Variants in EYS observed in about 807,000 individuals in gnomAD.
The protein encoded by EYS is EGF-like photoreceptor maintenance factor, also known as protein eyes shut homolog.
A neutral mutation model predicts 282.1 loss-of-function variants in EYS; 250 were observed. That is an observed-to-expected ratio of 0.89 (90% CI 0.80 to 0.98). The LOEUF is 0.98. Ranked by LOEUF, EYS falls within the 50% of genes least tolerant of loss-of-function variation. EYS has a pLI of 0.00. For missense variants in EYS, 4,016 were observed against 3,709.0 expected (o/e 1.08, Z -2.15); for synonymous variants, 1,355 against 1,282.9 (o/e 1.06, Z -1.20).
intron 31 of EYS, among the ~76,000 whole-genome samples, chr6:64,136,154 A>T (rs947853618): frequency 1.3e-5 from 2 of 151,966 alleles, no homozygotes; most frequent in African/African-American, 4.8e-5. Flanking sequence ...AAAAAAAAAA[A>T]AAACCACCTT....
intron 12 of EYS, among the ~76,000 whole-genome samples, chr6:65,270,777 C>T (rs1355989681): frequency 1.3e-5 from 2 of 151,994 alleles, no homozygotes; most frequent in Admixed American, 1.3e-4. Flanking sequence ...AAGTTCTTTG[C>T]TAGTTTATAA....
At chr6:65,475,854 T>G (rs1241790141) in intron 5 of EYS, among the ~76,000 whole-genome samples, 1 of 152,054 alleles carries the variant, frequency 6.6e-6, no homozygotes, top group East Asian at 1.9e-4. Context: ...TAATTAAATT[T>G]ATTCCATTTT....
intron 18 of EYS, 50 bp downstream of exon 18, chr6:64,902,063 G>T (rs1767684081): frequency 1.9e-6 from 2 of 1,065,088 alleles, no homozygotes; most frequent in Non-Finnish European, 2.7e-6. Flanking sequence ...TCACTTTCTT[G>T]TTGAATTACA....
At chr6:65,402,685 G>A (rs1260731807) in intron 6 of EYS, 80 bp from the exon 7 acceptor site, 1 of 923,300 alleles carries the variant, frequency 1.1e-6, no homozygotes, top group Non-Finnish European at 1.7e-6. Context: ...CCTGGAGAAG[G>A]GTTAAAATTA....
At chr6:64,971,803 G>A (rs1242590677) in intron 14 of EYS, among the ~76,000 whole-genome samples, 2 of 152,184 alleles carry the variant, frequency 1.3e-5, no homozygotes, top group East Asian at 3.9e-4. Flanking sequence ...AGAGAATCCC[G>A]ATAGAGAGAA....
At chr6:64,869,584 T>C (rs750590189) in intron 19 of EYS, among the ~76,000 whole-genome samples, 3 of 151,572 alleles carry the variant, frequency 2.0e-5, no homozygotes, top group Admixed American at 1.3e-4. Flanking sequence ...GAAATGGCCA[T>C]GTGCACATCT....
chr6:64,864,147 T>C (rs373378828), intron 19 of EYS, among the ~76,000 whole-genome samples: 1 of 152,132 alleles, frequency 6.6e-6, no homozygotes, highest in East Asian at 1.9e-4. Context: ...TGATTATCAA[T>C]TGGATCCAAA....
At chr6:64,555,159 ATATG>A in intron 26 of EYS, among the ~76,000 whole-genome samples, 1 of 152,082 alleles carries the variant, frequency 6.6e-6, no homozygotes, top group East Asian at 1.9e-4. Flanking sequence ...AGTCATATAA[ATATG>A]TATATCTAGT....
At chr6:65,246,053 T>C (rs1767171939) in intron 12 of EYS, among the ~76,000 whole-genome samples, 1 of 152,090 alleles carries the variant, frequency 6.6e-6, no homozygotes, top group Non-Finnish European at 1.5e-5. Context: ...GGCAATCAAA[T>C]GCAAAATAGC....
At chr6:65,045,412 T>G (rs965551598) in intron 13 of EYS, among the ~76,000 whole-genome samples, 2 of 151,916 alleles carry the variant, frequency 1.3e-5, no homozygotes, top group Non-Finnish European at 2.9e-5. Context: ...AATTTTTATG[T>G]TGAAATCTGA....
intron 22 of EYS, among the ~76,000 whole-genome samples, chr6:64,662,506 G>C (rs190857046): frequency 6.6e-6 from 1 of 152,120 alleles, no homozygotes; most frequent in Non-Finnish European, 1.5e-5. Context: ...TTATTGTCCC[G>C]TGGGACAGCA....
chr6:64,952,772 G>A (rs1408893428), intron 14 of EYS, among the ~76,000 whole-genome samples: 3 of 151,856 alleles, frequency 2.0e-5, no homozygotes, highest in Non-Finnish European at 4.4e-5. Context: ...GCTGTATTCT[G>A]CTTAGTGCTT....
intron 12 of EYS, among the ~76,000 whole-genome samples, chr6:65,080,580 T>C (rs1437498901): frequency 6.6e-6 from 1 of 152,100 alleles, no homozygotes; most frequent in Admixed American, 6.6e-5. Flanking sequence ...TGTGGCTCAC[T>C]ATGGGCAGCT....
At chr6:64,746,086 C>T (rs1772547346) in intron 22 of EYS, among the ~76,000 whole-genome samples, 2 of 151,290 alleles carry the variant, frequency 1.3e-5, no homozygotes, top group South Asian at 4.2e-4. Flanking sequence ...CTAGCAATAC[C>T]CCAAATAAAA....
chr6:64,723,785 C>T (rs138175973), intron 22 of EYS, among the ~76,000 whole-genome samples: 12 of 152,194 alleles, frequency 7.9e-5, no homozygotes, highest in Non-Finnish European at 1.3e-4. Context: ...TGTAGGTGAT[C>T]GTTTGTGGAT....
chr6:63,998,223 A>G (rs900843041), intron 34 of EYS, among the ~76,000 whole-genome samples: 8 of 152,158 alleles, frequency 5.3e-5, no homozygotes, highest in Admixed American at 4.6e-4. Flanking sequence ...TGTAGAAAAG[A>G]GATAATCATT....
chr6:65,107,875 G>T (rs533912341), intron 12 of EYS, among the ~76,000 whole-genome samples: 1 of 151,968 alleles, frequency 6.6e-6, no homozygotes, highest in South Asian at 2.1e-4. Flanking sequence ...TTCAATTATA[G>T]TTAATGCAAT....
At chr6:65,418,006 G>A (rs1342339802) in intron 5 of EYS, among the ~76,000 whole-genome samples, 1 of 151,964 alleles carries the variant, frequency 6.6e-6, no homozygotes, top group African/African-American at 2.4e-5. Context: ...GCAGGAGACT[G>A]AAATAAAGAG....
intron 8 of EYS, among the ~76,000 whole-genome samples, chr6:65,370,321 C>T (rs1426107186): frequency 7.0e-6 from 1 of 143,308 alleles, no homozygotes; most frequent in Non-Finnish European, 1.5e-5. Context: ...AGTAGCACAA[C>T]CATAGCTCAC....
Sources: gnomAD v4.1 joint callset for allele counts (sites outside exome capture counted in the v4.1 genomes callset) on GRCh38, gnomAD v4.1.1 for gene constraint, MANE v1.5 for transcripts, NCBI Gene and HGNC (gene_info 2026-07-23, HGNC 2026-07-21) for gene names.